Variants in APOH observed in about 807,000 individuals in gnomAD.
The protein encoded by APOH is apolipoprotein H, also known as beta-2-glycoprotein 1.
Under a neutral mutation model 39.8 loss-of-function variants are expected in APOH, and 48 were observed. The ratio of observed to expected loss-of-function variants is 1.21; its 90% CI spans 0.96 to 1.54. The LOEUF (loss-of-function observed/expected upper bound fraction) is 1.54, where lower values mean the gene tolerates loss of function less well. APOH is among the 40% of genes most tolerant of loss of function. The pLI is 0.00. For missense variants in APOH, 415 were observed against 421.2 expected, an observed-to-expected ratio of 0.99 and a Z score of 0.13; for synonymous variants, 153 against 151.1, an observed-to-expected ratio of 1.01 and a Z score of -0.09.
chr17:66,212,231 A>G (rs2073340618), intron 7 of APOH, 43 bp from the exon 8 acceptor site: 7 of 1,549,734 alleles, frequency 4.5e-6, no homozygotes, highest in Non-Finnish European at 6.2e-6. Context: ...AGAAACAATC[A>G]TTTCTTAAAT....
chr17:66,220,599 T>A lies in APOH; in HGVS notation c.559A>T (p.Thr187Ser). The A allele has an allele frequency of 6.2e-7, 1 of 1,614,186 alleles. No individual in the cohort carries two copies. Among genetic ancestry groups the A allele is most frequent in the African/African-American group, 1.3e-5 (1 of 75,056 alleles). Residue 187 changes from threonine to serine, a missense_variant, in exon 5 of 8, where the codon ACC becomes TCC. This residue lies in a region of APOH where 288 missense variants were observed against 284.9 expected (regional missense o/e 1.01). Coordinates refer to ENST00000205948, the MANE Select transcript of APOH (RefSeq NM_000042.3). Reference sequence around the variant, plus strand: ...GTCCAATTTCCATGTGTCGTGCAGGTAATTGTATCATTTCCAAACATCGCA... The same window carrying A: ...GTCCAATTTCCATGTGTCGTGCAGGAAATTGTATCATTTCCAAACATCGCA... Reference protein sequence around the residue: ...QHAMFGNDTITCTTHGNWTKL... With the variant: ...QHAMFGNDTISCTTHGNWTKL...
At chr17:66,225,824 C>T (rs1598554211) in intron 3 of APOH, among the ~76,000 whole-genome samples, 1 of 151,928 alleles carries the variant, frequency 6.6e-6, no homozygotes, top group Admixed American at 6.6e-5. Context: ...TTGCAGTGAG[C>T]CGAGACTGCA....
chr17:66,216,898 T>C lies in APOH; in HGVS notation c.674A>G (p.Tyr225Cys), dbSNP rs750680440. The C allele has an allele frequency of 6.2e-7, 1 of 1,613,172 alleles. No individual in the cohort carries two copies. The stretch of plus-strand genomic sequence containing the variant: ...GCCAAATGTGGCTTTATCCTTGTAA[T>C]AAAGTGTTGGTTTTGCAGGATAGTT... ...FVNYPAKPTL[Y>C]YKDKATFGCH... The change falls in exon 6 of 8, where the codon TAT (tyrosine) becomes TGT (cysteine). Residue 225 changes from tyrosine (Y) to cysteine (C), a missense_variant. Physicochemically the swap from Tyr to Cys is radical, Grantham distance 194 (BLOSUM62 -2). This residue lies in a region of APOH where 288 missense variants were observed against 284.9 expected (regional missense o/e 1.01). Transcript: ENST00000205948.
chr17:66,228,135 C>T lies in APOH; in HGVS notation c.126G>A (p.Glu42=), dbSNP rs1307345213. The T allele has an allele frequency of 6.2e-7, 1 of 1,614,156 alleles. No individual in the cohort carries two copies. Among genetic ancestry groups the T allele is most frequent in the Non-Finnish European group, 8.5e-7 (1 of 1,180,026 alleles). The change falls in exon 2 of 8, where the codon GAG becomes GAA. Residue 42 remains glutamate, a synonymous_variant. Transcript: ENST00000205948. ...AGGAATACGTAATCTCTTCTCCTGG[C>T]TCATAGAATGTTTTTAACGGGACCA... ...STVVPLKTFY[E]PGEEITYSCK...
intron 3 of APOH, 38 bp downstream of exon 3, chr17:66,225,990 T>C (rs1181186010): frequency 4.9e-6 from 7 of 1,426,936 alleles, no homozygotes; most frequent in Non-Finnish European, 6.9e-6. Context: ...AAAAATGTGC[T>C]CAGTCTGTTA....
intron 3 of APOH, among the ~76,000 whole-genome samples, chr17:66,224,535 A>C (rs902700990): frequency 2.1e-5 from 3 of 145,910 alleles, no homozygotes; most frequent in Non-Finnish European, 3.0e-5. Context: ...GGAAGGAGAG[A>C]GACAGACAAA....
At chr17:66,215,501 A>G (rs926296625) in intron 6 of APOH, among the ~76,000 whole-genome samples, 3 of 152,192 alleles carry the variant, frequency 2.0e-5, no homozygotes, top group Non-Finnish European at 4.4e-5. Flanking sequence ...CTCCTGAGAC[A>G]TTCACTAAAT....
At chr17:66,217,344 A>AC (rs35673901) in intron 5 of APOH, among the ~76,000 whole-genome samples, 19,524 of 125,612 alleles carry the variant, frequency 0.16, 1,940 homozygotes, top group African/African-American at 0.27. Flanking sequence ...CAAAGACTGA[A>AC]CCCCCCCCCC....
intron 4 of APOH, among the ~76,000 whole-genome samples, chr17:66,222,356 C>G (rs2146996344): frequency 6.6e-6 from 1 of 151,900 alleles, no homozygotes; most frequent in East Asian, 1.9e-4. Context: ...TGCACTCCGG[C>G]CTGGGCAACA....
At chr17:66,223,497 C>T (rs773974556) in intron 4 of APOH, among the ~76,000 whole-genome samples, 22 of 152,240 alleles carry the variant, frequency 1.4e-4, no homozygotes, top group Non-Finnish European at 7.4e-5. Context: ...AGAATGTGTC[C>T]GTGAGTAAAA....
In APOH at chr17:66,220,621, C is replaced by G. The variant is rs367862167; in HGVS notation, c.537G>C (p.Ala179=). 1.2e-6 allele frequency: 2 copies of G among 1,614,012 alleles called. No individual in the cohort carries two copies. The highest frequency in any genetic ancestry group is 3.3e-5 in the Admixed American group (2 of 59,988). The part of the protein sequence containing the change: ...TAVFECLPQH[A]MFGNDTITCT... ...AGGTAATTGTATCATTTCCAAACATCGCATGTTGTGGCAAACATTCAAAAA... is the reference window on the plus strand; with the variant it reads ...AGGTAATTGTATCATTTCCAAACATGGCATGTTGTGGCAAACATTCAAAAA... The change falls in exon 5 of 8, where the codon GCG becomes GCC. Residue 179 remains alanine, a synonymous_variant. Transcript: ENST00000205948.
At chr17:66,226,879 T>TTTTA (rs1038906076) in intron 2 of APOH, among the ~76,000 whole-genome samples, 7 of 115,184 alleles carry the variant, frequency 6.1e-5, no homozygotes, top group African/African-American at 2.9e-4. Context: ...CTGATTTTTA[T>TTTTA]TTTATTTATT....
At chr17:66,214,764 G>GA in intron 6 of APOH, 114 bp from the exon 7 acceptor site, 1 of 835,040 alleles carries the variant, frequency 1.2e-6, no homozygotes, top group East Asian at 2.5e-5. Context: ...GTCAAGGCAA[G>GA]AAAAATCCAA....
intron 3 of APOH, among the ~76,000 whole-genome samples, chr17:66,225,264 CAG>C (rs1359078465): frequency 6.6e-6 from 1 of 152,124 alleles, no homozygotes; most frequent in Admixed American, 6.5e-5. Context: ...AATAATGTCA[CAG>C]GGGTGCCTTT....
Position 66,228,021 on chromosome 17 carries a change from T to C in APOH, c.240A>G (p.Thr80=), listed in dbSNP as rs374425639. The C allele has an allele frequency of 3.1e-6, 5 of 1,612,356 alleles. No individual in the cohort carries two copies. Among genetic ancestry groups the C allele is most frequent in the Non-Finnish European group, 4.2e-6 (5 of 1,179,282 alleles). ...ATGTGAGAGAAGGTACTGACTTACGTGTACATTTCAGAGTGTTGATGGGCC... is the reference window on the plus strand; with the variant it reads ...ATGTGAGAGAAGGTACTGACTTACGCGTACATTTCAGAGTGTTGATGGGCC... ...GLWPINTLKC[T]PRVCPFAGIL... is the part of the protein sequence containing the mutation. The change falls in exon 2 of 8, where the codon ACA becomes ACG. Residue 80 remains threonine, a splice_region_variant and synonymous_variant. Transcript: ENST00000205948.
At chr17:66,217,014 C>G (rs774640799) in intron 5 of APOH, 47 bp from the exon 6 acceptor site, 1 of 1,433,362 alleles carries the variant, frequency 7.0e-7, no homozygotes, top group Non-Finnish European at 9.4e-7. Context: ...ATAGTGCTAT[C>G]CAATAGTCAT....
At chr17:66,225,549 G>T (rs576752392) in intron 3 of APOH, among the ~76,000 whole-genome samples, 4 of 152,156 alleles carry the variant, frequency 2.6e-5, no homozygotes, top group East Asian at 1.9e-4. Flanking sequence ...TATCATCCAG[G>T]TTCAATCATT....
chr17:66,214,491 CACTG>C lies in APOH; in HGVS notation c.940_943del (p.Gln314ValfsTer2). The C allele has an allele frequency of 6.2e-7, 1 of 1,614,196 alleles. No homozygotes were observed. The highest frequency in any genetic ancestry group is 1.3e-5 in the African/African-American group (1 of 75,060). The stretch of plus-strand genomic sequence containing the variant: ...GGGGACTTCGATAGTGCCATCTATA[CACTG>C]AGCATCCTCTGTATAGCTACACTTC... On this transcript the variant is annotated frameshift_variant, in exon 7 of 8. Transcript: ENST00000205948. LOFTEE classifies it high-confidence loss of function.
chr17:66,221,373 G>C (rs1417117282), intron 4 of APOH, among the ~76,000 whole-genome samples: 1 of 41,452 alleles, frequency 2.4e-5, no homozygotes, highest in East Asian at 1.6e-3. Context: ...GAGGGGAGGG[G>C]AGGGAGGGAG....
Sources: allele counts gnomAD v4.1 joint callset (sites outside exome capture counted in the v4.1 genomes callset), GRCh38; gene constraint gnomAD v4.1.1; regional missense constraint gnomAD v4.1.1; transcripts MANE v1.5; gene names NCBI Gene and HGNC (gene_info 2026-07-23, HGNC 2026-07-21).